Variants in CDKAL1 observed in about 807,000 individuals in gnomAD.
CDKAL1 encodes CDKAL1 threonylcarbamoyladenosine tRNA methylthiotransferase.
CDKAL1 carries 32 observed loss-of-function variants against 68.2 expected under a neutral mutation model. The observed-to-expected ratio is 0.47, with a 90% CI of 0.35 to 0.63. The LOEUF (loss-of-function observed/expected upper bound fraction) is 0.63, where lower values mean the gene tolerates loss of function less well. Among genes scored for constraint, CDKAL1 ranks in the 30% least tolerant of loss-of-function variants. The probability of loss-of-function intolerance (pLI) is 0.00; values close to 1 mark genes in which losing one functional copy is unlikely to be tolerated. For synonymous variants in CDKAL1, 234 were observed against 244.3 expected (o/e 0.96, Z 0.39); for missense variants, 606 against 696.7 (o/e 0.87, Z 1.47).
chr6:20,676,654 G>A lies in CDKAL1; in HGVS notation c.371+27277G>A, dbSNP rs185820945. ...TGCACTCCAGCCTGGGTGACAGAGC[G>A]AGACTCTGTCTTAAATAAATAAATA... On this transcript the variant is annotated intron_variant, in intron 5 of 15. Coordinates refer to ENST00000274695, the MANE Select transcript of CDKAL1 (RefSeq NM_017774.3). Among the ~76,000 whole-genome samples, 499 of 147,382 alleles carry A rather than the reference G, an allele frequency of 3.4e-3. 6 individuals are homozygous for A. The highest frequency in any genetic ancestry group is 0.012 in the African/African-American group (465 of 40,246).
chr6:20,541,061 G>A (rs1348293130), intron 2 of CDKAL1, among the ~76,000 whole-genome samples: 1 of 152,194 alleles, frequency 6.6e-6, no homozygotes, highest in Non-Finnish European at 1.5e-5. Flanking sequence ...TCTTACTGCA[G>A]TTCTTCAGTC....
intron 13 of CDKAL1, among the ~76,000 whole-genome samples, chr6:21,123,294 AAAATAGAAAAATTAGCC>A (rs1774822806): frequency 6.6e-6 from 1 of 152,104 alleles, no homozygotes. Flanking sequence ...ATCTCTACAA[AAAATAGAAAAATTAGCC>A]AGGTGTGGTG....
At chr6:20,708,751 A>G (rs947598526) in intron 5 of CDKAL1, among the ~76,000 whole-genome samples, 1 of 152,116 alleles carries the variant, frequency 6.6e-6, no homozygotes, top group Non-Finnish European at 1.5e-5. Flanking sequence ...GTCTGATGAT[A>G]TTGTAGTCTT....
At chr6:21,211,780 A>G (rs1779159169) in intron 15 of CDKAL1, among the ~76,000 whole-genome samples, 1 of 152,182 alleles carries the variant, frequency 6.6e-6, no homozygotes, top group African/African-American at 2.4e-5. Context: ...TTTGAGACAG[A>G]GTCTCATTCT....
chr6:20,742,464 C>G (rs1773500615), intron 6 of CDKAL1, among the ~76,000 whole-genome samples: 1 of 152,050 alleles, frequency 6.6e-6, no homozygotes, highest in South Asian at 2.1e-4. Flanking sequence ...CTTCTTCAGA[C>G]TTAACCTTTG....
Position 20,961,134 on chromosome 6 carries a change from G to A in CDKAL1, c.909+5549G>A, listed in dbSNP as rs909772503. 2.0e-5 allele frequency among the ~76,000 whole-genome samples: 3 copies of A among 152,106 alleles called. No individual in the cohort carries two copies. In the East Asian group the frequency reaches 5.8e-4, roughly 29 times the overall value. On this transcript the variant is annotated intron_variant, in intron 10 of 15. Transcript: ENST00000274695. The stretch of plus-strand genomic sequence containing the variant: ...TGGATTTTATGTATTTAAGACACAT[G>A]CATGCATATGTTCATTGCAGCACTA...
Position 21,177,491 on chromosome 6 carries a change from A to G in CDKAL1, c.1300-20530A>G, listed in dbSNP as rs1361730893. Among the ~76,000 whole-genome samples, 10 of 152,302 alleles carry G rather than the reference A, an allele frequency of 6.6e-5. No homozygotes were observed. The South Asian group carries it at 1.7e-3, about 25-fold the overall frequency. On this transcript the variant is annotated intron_variant, in intron 13 of 15. Transcript: ENST00000274695. ...CTGCCTAATTCTGTTTAGAAGCCTC[A>G]GTTTATGAGTTTTTTTCCCACTGTC... is the stretch of plus-strand genomic sequence containing the variant.
intron 11 of CDKAL1, among the ~76,000 whole-genome samples, chr6:21,004,059 T>C (rs7744303): frequency 0.46 from 70,390 of 152,024 alleles, 17,810 homozygotes; most frequent in East Asian, 0.85. Context: ...TTATGAGTTA[T>C]GGACAAGGCA....
chr6:20,569,696 A>G (rs1764618106), intron 4 of CDKAL1, among the ~76,000 whole-genome samples: 1 of 152,180 alleles, frequency 6.6e-6, no homozygotes, highest in African/African-American at 2.4e-5. Context: ...TTCTCTCCCT[A>G]CCCCTGCAGC....
intron 10 of CDKAL1, among the ~76,000 whole-genome samples, chr6:20,958,940 A>T (rs1022936703): frequency 6.6e-6 from 1 of 152,238 alleles, no homozygotes; most frequent in Non-Finnish European, 1.5e-5. Flanking sequence ...TATATAAAGG[A>T]AAGCACCAAA....
At chr6:21,051,682 A>C (rs1400014655) in intron 11 of CDKAL1, among the ~76,000 whole-genome samples, 2 of 152,180 alleles carry the variant, frequency 1.3e-5, no homozygotes, top group African/African-American at 4.8e-5. Flanking sequence ...CACTTTTATT[A>C]GTATTATTAT....
intron 8 of CDKAL1, among the ~76,000 whole-genome samples, chr6:20,844,687 T>TA (rs35541206): frequency 0.89 from 129,976 of 146,754 alleles, 58,138 homozygotes; most frequent in East Asian, 0.99. Flanking sequence ...CCGTTTCTAT[T>TA]AAAAAAAAAA....
At chr6:20,997,119 G>C (rs1489673637) in intron 10 of CDKAL1, among the ~76,000 whole-genome samples, 1 of 152,160 alleles carries the variant, frequency 6.6e-6, no homozygotes, top group South Asian at 2.1e-4. Flanking sequence ...AAATGCAGAG[G>C]GAAGAGTAAA....
chr6:20,939,610 A>G (rs1429067741), intron 9 of CDKAL1, among the ~76,000 whole-genome samples: 2 of 152,184 alleles, frequency 1.3e-5, no homozygotes, highest in African/African-American at 4.8e-5. Flanking sequence ...GGCCAGTGCA[A>G]TTACTATAAG....
chr6:20,871,798 T>G (rs543513876), intron 9 of CDKAL1, among the ~76,000 whole-genome samples: 85 of 152,302 alleles, frequency 5.6e-4, no homozygotes, highest in African/African-American at 1.9e-3. Flanking sequence ...CATGTACTAT[T>G]TTGTCTGAAC....
Position 21,201,143 on chromosome 6 carries a change from A to C in CDKAL1, c.1417A>C (p.Lys473Gln). The C allele has an allele frequency of 6.2e-7, 1 of 1,613,582 alleles. No individual in the cohort carries two copies. Among genetic ancestry groups the C allele is most frequent in the Non-Finnish European group, 8.5e-7 (1 of 1,179,592 alleles). Residue 473 changes from lysine (K) to glutamine (Q), a missense_variant, in exon 15 of 16, where the codon AAG (lysine) becomes CAG (glutamine). By Grantham distance (53) the Lys-to-Gln change is moderately conservative. Transcript: ENST00000274695. ...GCCAAAGAACCCTGCGTTCATGGGGAAGATGGTTGAAGTGGACATCTATGA... is the reference window on the plus strand; with the variant it reads ...GCCAAAGAACCCTGCGTTCATGGGGCAGATGGTTGAAGTGGACATCTATGA... ...LVPKNPAFMGKMVEVDIYESG... is the reference protein window; with the variant it reads ...LVPKNPAFMGQMVEVDIYESG...
intron 5 of CDKAL1, among the ~76,000 whole-genome samples, chr6:20,734,507 G>T (rs546611775): frequency 1.3e-5 from 2 of 151,944 alleles, no homozygotes; most frequent in Non-Finnish European, 2.9e-5. Context: ...ATTTTTTTAA[G>T]GCTTTTATTA....
chr6:21,014,693 A>C (rs1263309559), intron 11 of CDKAL1, among the ~76,000 whole-genome samples: 1 of 151,890 alleles, frequency 6.6e-6, no homozygotes, highest in Non-Finnish European at 1.5e-5. Context: ...CATATCTCTA[A>C]GTATCTAATT....
chr6:20,950,414 G>A (rs1478688746), intron 9 of CDKAL1, among the ~76,000 whole-genome samples: 1 of 152,118 alleles, frequency 6.6e-6, no homozygotes, highest in African/African-American at 2.4e-5. Context: ...GTGAGCCACT[G>A]CACCCAGCGT....
Sources: gnomAD v4.1 joint callset for allele counts (sites outside exome capture counted in the v4.1 genomes callset) on GRCh38, gnomAD v4.1.1 for gene constraint, MANE v1.5 for transcripts, NCBI Gene and HGNC (gene_info 2026-07-23, HGNC 2026-07-21) for gene names.